Variants in PCDHGA1 observed in about 807,000 individuals in gnomAD.
The protein encoded by PCDHGA1 is protocadherin gamma subfamily A, 1.
A neutral mutation model predicts 58.0 loss-of-function variants in PCDHGA1; 32 were observed. That is an observed-to-expected ratio of 0.55 (90% CI 0.42 to 0.74). The LOEUF (loss-of-function observed/expected upper bound fraction) is 0.74. Among genes scored for constraint, PCDHGA1 ranks in the 30% least tolerant of loss-of-function variants. The pLI is 0.00. For missense variants in PCDHGA1, 1,205 were observed against 1,182.3 expected, an observed-to-expected ratio of 1.02 and a Z score of -0.28; for synonymous variants, 498 against 501.1, an observed-to-expected ratio of 0.99 and a Z score of 0.08.
rs1405190227 is a variant in PCDHGA1 at position 141,341,157 on chromosome 5, G to C, written c.2421+8052G>C. ...AAGTCACGCCTGCTGCAGGCTTCAG[G>C]AGGCAGCTTGACAGGCATGCAGAGC... is the stretch of plus-strand genomic sequence containing the variant. On this transcript the variant is annotated intron_variant, in intron 1 of 3. Transcript: ENST00000517417. The C allele has an allele frequency of 1.1e-5, 17 of 1,614,106 alleles. No homozygotes were observed. In the East Asian group the frequency reaches 3.8e-4, roughly 36 times the overall value.
intron 1 of PCDHGA1, chr5:141,378,136 CATT>C (rs1561579952): frequency 6.6e-6 from 1 of 152,158 alleles, no homozygotes; most frequent in Non-Finnish European, 1.5e-5. Context: ...TTGACATCAC[CATT>C]ATTATAATTA....
rs1374592449 is a variant in PCDHGA1 at position 141,387,964 on chromosome 5, C to T, written c.2421+54859C>T. ...CTCTTCCTGCTGTCTTTGTTCTGCC[C>T]GGCGCTCTGTGAGCAGATCCGCTAC... On this transcript the variant is annotated intron_variant, in intron 1 of 3. Transcript: ENST00000517417. 1.3e-6 allele frequency: 2 copies of T among 1,493,070 alleles called. No individual in the cohort carries two copies. The highest frequency in any genetic ancestry group is 2.2e-5 in the Admixed American group (1 of 45,422). 92.5% of individuals were successfully genotyped at this position (1,493,070 alleles called of 1,614,324 possible).
At position 141,496,642 on chromosome 5, in the gene PCDHGA1, G is replaced by C. The variant is rs1053400475; in HGVS notation, c.2480+1777G>C. Among the ~76,000 whole-genome samples the C allele has an allele frequency of 6.6e-5, 10 of 152,318 alleles. No individual in the cohort carries two copies. In the East Asian group the frequency reaches 1.5e-3, roughly 24 times the overall value. ...AGATCAAAAGGCTTGGGCTGCCCTT[G>C]CCCTTCCTTTGACCCCAGCTGTTGT... On this transcript the variant is annotated intron_variant, in intron 2 of 3. Transcript: ENST00000517417.
chr5:141,430,015 T>G (rs2097256653), intron 1 of PCDHGA1, among the ~76,000 whole-genome samples: 1 of 152,236 alleles, frequency 6.6e-6, no homozygotes, highest in South Asian at 2.1e-4. Context: ...TTCACTTGGG[T>G]TCTTGTTAAG....
At chr5:141,376,357 A>C (rs769629850) in intron 1 of PCDHGA1, 24 of 1,613,894 alleles carry the variant, frequency 1.5e-5, no homozygotes, top group Admixed American at 1.0e-4. Context: ...ACGAGGTCTC[A>C]CTCACTGCAG....
chr5:141,417,683 A>AAG lies in PCDHGA1; in HGVS notation c.2422-77123_2422-77122insGA, dbSNP rs201105096. 3.0e-3 allele frequency: 3,154 copies of AAG among 1,038,272 alleles called. 110 individuals carry two copies. In the East Asian group the frequency reaches 0.071, roughly 24 times the overall value. The allele number at this position is 1,038,272 out of a possible 1,614,324, so 64.3% of individuals were successfully genotyped here. The stretch of plus-strand genomic sequence containing the variant: ...GATTCCCTGCGCAGCCAACAACAGA[A>AAG]AAGAAAACCAGCTCCCACACAGAGG... On this transcript the variant is annotated intron_variant, in intron 1 of 3. Transcript: ENST00000517417.
intron 1 of PCDHGA1, chr5:141,341,939 T>C (rs1757101063): frequency 1.9e-5 from 3 of 157,396 alleles, no homozygotes; most frequent in South Asian, 3.7e-4. Flanking sequence ...GTTAAAAATA[T>C]GGAAATTTAG....
chr5:141,343,186 A>G (rs1216863328), intron 1 of PCDHGA1: 2 of 550,126 alleles, frequency 3.6e-6, no homozygotes, highest in Admixed American at 6.4e-5. Context: ...ATCCCCAAAC[A>G]TATTGTCTGA....
intron 1 of PCDHGA1, chr5:141,365,065 C>T (rs1300257401): frequency 6.2e-7 from 1 of 1,613,786 alleles, no homozygotes; most frequent in Non-Finnish European, 8.5e-7. Flanking sequence ...TCACCCCATC[C>T]GAGTACAGCG....
rs75563633 is a variant in PCDHGA1 at position 141,365,084 on chromosome 5, C to G, written c.2421+31979C>G. The G allele has an allele frequency of 4.2e-4, 675 of 1,613,836 alleles. 2 individuals carry two copies. The African/African-American group carries it at 8.3e-3, about 20-fold the overall frequency. ...CCCATCCGAGTACAGCGTGAGTGTT[C>G]CAGAGAACATACCTGTGGGCACTCG... On this transcript the variant is annotated intron_variant, in intron 1 of 3. Coordinates refer to ENST00000517417, the MANE Select transcript of PCDHGA1 (RefSeq NM_018912.3).
intron 1 of PCDHGA1, among the ~76,000 whole-genome samples, chr5:141,454,195 T>C (rs1295815862): frequency 6.6e-6 from 1 of 152,136 alleles, no homozygotes; most frequent in Admixed American, 6.6e-5. Context: ...TTAGTGAAGG[T>C]GAATTTATTG....
In PCDHGA1 at chr5:141,388,846, A is replaced by G. The variant is rs758753526; in HGVS notation, c.2421+55741A>G. ...TATTCCATAGTTTTGGAAGCAAGGG[A>G]CGGTGGAGGAATGATTGCGCAATGC... On this transcript the variant is annotated intron_variant, in intron 1 of 3. Coordinates refer to ENST00000517417, the MANE Select transcript of PCDHGA1 (RefSeq NM_018912.3). The G allele has an allele frequency of 5.6e-6, 9 of 1,613,870 alleles. No homozygotes were observed. In the East Asian group the frequency reaches 2.0e-4, roughly 36 times the overall value.
chr5:141,477,867 C>CGGT lies in PCDHGA1; in HGVS notation c.2422-16940_2422-16939insGGT. On this transcript the variant is annotated intron_variant, in intron 1 of 3. Transcript: ENST00000517417. This position sits in a 1 kb window ranked among gnomAD's most constrained non-coding sequence, Gnocchi z 4.9. ...TCGGTGGAGATGCTGCCTCGAGGTA[C>CGGT]CTCAGCTGGCCACCTAGTGTCACGG... 6.2e-7 allele frequency: 1 copy of CGGT among 1,613,614 alleles called. No homozygotes were observed. Among genetic ancestry groups the CGGT allele is most frequent in the Non-Finnish European group, 8.5e-7 (1 of 1,179,854 alleles).
chr5:141,442,414 ACTT>A (rs1258523193), intron 1 of PCDHGA1: 2 of 152,190 alleles, frequency 1.3e-5, no homozygotes, highest in Non-Finnish European at 2.9e-5. Flanking sequence ...GGCTGAGTGA[ACTT>A]CTTTTTTGAA....
chr5:141,332,665 A>G lies in PCDHGA1; in HGVS notation c.1981A>G (p.Thr661Ala). 1 of 1,613,350 alleles carries G rather than the reference A, an allele frequency of 6.2e-7. No individual in the cohort carries two copies. The highest frequency in any genetic ancestry group is 8.5e-7 in the Non-Finnish European group (1 of 1,179,810). The change falls in exon 1 of 4, where the codon ACC becomes GCC. Residue 661 changes from threonine to alanine, a missense_variant. Thr to Ala is a moderately conservative substitution (Grantham distance 58). Transcript: ENST00000517417. The surrounding 1 kb of genome is among the most constrained non-coding windows in gnomAD (Gnocchi z 4.6). The part of the protein sequence containing the change: ...QPPLSATVTL[T>A]VAVADRISDI... ...CCCGCTCTCCGCCACTGTCACGCTC[A>G]CCGTGGCCGTGGCCGACAGGATCTC...
rs1208504589 is a variant in PCDHGA1, at chr5:141,431,631, T to C, written c.2422-63176T>C. On this transcript the variant is annotated intron_variant, in intron 1 of 3. Coordinates refer to ENST00000517417, the MANE Select transcript of PCDHGA1 (RefSeq NM_018912.3). The surrounding 1 kb of genome is among the most constrained non-coding windows in gnomAD (Gnocchi z 4.8). ...TATGTGGACGACAAGGCGGCCCAAG[T>C]TTTCAAACTAGATTGTAATTCAGGG... The C allele has an allele frequency of 6.2e-6, 10 of 1,614,132 alleles. No individual in the cohort carries two copies. Among genetic ancestry groups the C allele is most frequent in the Non-Finnish European group, 8.5e-6 (10 of 1,180,016 alleles).
chr5:141,452,888 C>T (rs62379168), intron 1 of PCDHGA1, among the ~76,000 whole-genome samples: 13,856 of 152,130 alleles, frequency 0.091, 849 homozygotes, highest in African/African-American at 0.17. Flanking sequence ...TAATTTATTC[C>T]ACTTTTATTA....
chr5:141,370,570 G>A (rs1373345113), intron 1 of PCDHGA1: 2 of 1,613,946 alleles, frequency 1.2e-6, no homozygotes, highest in African/African-American at 1.3e-5. Flanking sequence ...TTTGGCGTGG[G>A]GGATTTACCT....
chr5:141,383,475 G>A (rs762489709), intron 1 of PCDHGA1: 1 of 1,613,594 alleles, frequency 6.2e-7, no homozygotes, highest in African/African-American at 1.3e-5. Flanking sequence ...CTAAGTACCC[G>A]GAACTGGTGC....
Sources: gnomAD v4.1 joint callset for allele counts (sites outside exome capture counted in the v4.1 genomes callset) on GRCh38, gnomAD v4.1.1 for gene constraint, Gnocchi (gnomAD v3.1) non-coding constraint, MANE v1.5 for transcripts, NCBI Gene and HGNC (gene_info 2026-07-23, HGNC 2026-07-21) for gene names.